The following SUCLA2 variants were observed in gnomAD, a reference collection of about 807,000 sequenced individuals.
SUCLA2 encodes succinate--CoA ligase [ADP-forming] subunit beta, mitochondrial.
A neutral mutation model predicts 54.8 loss-of-function variants in SUCLA2; 30 were observed. That is an observed-to-expected ratio of 0.55 (90% CI 0.41 to 0.74). The LOEUF is 0.74. SUCLA2 is among the 30% of genes least tolerant of loss of function. SUCLA2 has a pLI of 0.00. For synonymous variants in SUCLA2, 172 were observed against 188.9 expected, an observed-to-expected ratio of 0.91 and a Z score of 0.74; for missense variants, 476 against 562.9, an observed-to-expected ratio of 0.85 and a Z score of 1.56.
intron 4 of SUCLA2, chr13:47,988,225 T>C (rs1950119399): frequency 2.5e-6 from 1 of 401,066 alleles, no homozygotes. Flanking sequence ...TTTACTATGC[T>C]AGATATAATT....
intron 4 of SUCLA2, among the ~76,000 whole-genome samples, chr13:47,982,486 C>T (rs1338847339): frequency 1.1e-5 from 1 of 88,796 alleles, no homozygotes; most frequent in East Asian, 3.6e-4. Context: ...AAAAAAAGTT[C>T]TAGAAAAATT....
chr13:47,957,506 C>T (rs1053408159), intron 6 of SUCLA2, among the ~76,000 whole-genome samples: 1 of 152,212 alleles, frequency 6.6e-6, no homozygotes, highest in African/African-American at 2.4e-5. Flanking sequence ...GGCCCCACCA[C>T]AGCCGGCCCC....
chr13:47,957,243 T>C (rs1949828745), intron 6 of SUCLA2, among the ~76,000 whole-genome samples: 1 of 152,214 alleles, frequency 6.6e-6, no homozygotes, highest in African/African-American at 2.4e-5. Context: ...GATTTGAGAC[T>C]GAGCTCCGAT....
rs1949799849 is a variant in SUCLA2 at position 47,954,213 on chromosome 13, A to T, written c.1034T>A (p.Phe345Tyr). ...IKLHGGTPAN[F>Y]LDVGGGATVH... Reference sequence around the variant, plus strand: ...TGTAGCACCACCACCAACATCAAGGAAGTTGGCTGGAGTCCCTCCATGAAG... The same window carrying T: ...TGTAGCACCACCACCAACATCAAGGTAGTTGGCTGGAGTCCCTCCATGAAG... Residue 345 changes from phenylalanine to tyrosine, a missense_variant, in exon 8 of 11, where the codon TTC (phenylalanine) becomes TAC (tyrosine). Transcript: ENST00000646932. The T allele has an allele frequency of 6.2e-7, 1 of 1,613,960 alleles. No individual in the cohort carries two copies. The highest frequency in any genetic ancestry group is 8.5e-7 in the Non-Finnish European group (1 of 1,179,872).
At chr13:48,000,457 G>A (rs912866628) in intron 1 of SUCLA2, among the ~76,000 whole-genome samples, 1 of 152,186 alleles carries the variant, frequency 6.6e-6, no homozygotes, top group Non-Finnish European at 1.5e-5. Context: ...GGTGTTGAAT[G>A]ACTTCCTCAC....
intron 5 of SUCLA2, among the ~76,000 whole-genome samples, 175 bp downstream of exon 5, chr13:47,973,089 G>C (rs1193802940): frequency 6.6e-6 from 1 of 152,070 alleles, no homozygotes; most frequent in Non-Finnish European, 1.5e-5. Context: ...AATATTTATA[G>C]AGATATGAAA....
intron 4 of SUCLA2, among the ~76,000 whole-genome samples, chr13:47,981,033 T>C (rs1950057041): frequency 6.6e-6 from 1 of 152,138 alleles, no homozygotes; most frequent in Non-Finnish European, 1.5e-5. Context: ...TGACATTGGA[T>C]TTAGCAATGA....
At chr13:47,980,893 T>C (rs1950056217) in intron 4 of SUCLA2, among the ~76,000 whole-genome samples, 1 of 152,140 alleles carries the variant, frequency 6.6e-6, no homozygotes, top group African/African-American at 2.4e-5. Flanking sequence ...GATATCCACA[T>C]GCAAAAGAAT....
intron 4 of SUCLA2, among the ~76,000 whole-genome samples, chr13:47,987,469 C>A (rs964294100): frequency 1.3e-5 from 2 of 152,046 alleles, no homozygotes; most frequent in Non-Finnish European, 2.9e-5. Context: ...AGGTTACTGT[C>A]ATGGGATTTT....
rs112609520 is a variant in SUCLA2 at position 47,985,757 on chromosome 13, G to A, written c.534+2784C>T. The stretch of plus-strand genomic sequence containing the variant: ...TATTCTTTTGGGTATATACCCAGTA[G>A]TGGGATTGCTGGGTCAAATAGTATT... On this transcript the variant is annotated intron_variant, in intron 4 of 10. Transcript: ENST00000646932. 8.4e-3 allele frequency among the ~76,000 whole-genome samples: 1,286 copies of A among 152,284 alleles called. 8 individuals are homozygous for A. The highest frequency in any genetic ancestry group is 0.02 in the Middle Eastern group (6 of 294).
At chr13:47,996,216 G>A (rs751609618) in intron 2 of SUCLA2, among the ~76,000 whole-genome samples, 14 of 151,556 alleles carry the variant, frequency 9.2e-5, no homozygotes, top group East Asian at 1.9e-4. Context: ...CCAGGTACTC[G>A]GGAGGCTGAG....
intron 2 of SUCLA2, among the ~76,000 whole-genome samples, chr13:47,990,123 G>A (rs570243084): frequency 2.6e-5 from 4 of 152,314 alleles, no homozygotes; most frequent in Admixed American, 6.5e-5. Context: ...TGAAGCAGGC[G>A]GGTCACATGA....
At chr13:47,999,197 T>C (rs1247759236) in intron 1 of SUCLA2, among the ~76,000 whole-genome samples, 1 of 110,272 alleles carries the variant, frequency 9.1e-6, no homozygotes. Context: ...AAAAATCTAA[T>C]GTCTATAAAG....
chr13:47,982,620 T>C (rs1329514907), intron 4 of SUCLA2, among the ~76,000 whole-genome samples: 2 of 152,132 alleles, frequency 1.3e-5, no homozygotes, highest in Non-Finnish European at 2.9e-5. Flanking sequence ...CTCTCCCTCC[T>C]TCCTTCCTTC....
intron 10 of SUCLA2, among the ~76,000 whole-genome samples, chr13:47,944,815 C>T (rs973141875): frequency 3.9e-5 from 6 of 152,156 alleles, no homozygotes; most frequent in Non-Finnish European, 5.9e-5. Context: ...AATGACATCA[C>T]ATTAACTCGG....
Position 47,954,120 on chromosome 13 carries a change from A to G in SUCLA2, c.1107+20T>C. 1 of 1,597,640 alleles carries G rather than the reference A, an allele frequency of 6.3e-7. No individual in the cohort carries two copies. Among genetic ancestry groups the G allele is most frequent in the South Asian group, 1.1e-5 (1 of 87,152 alleles). ...TTATATATTTACATGATATAAAAAT[A>G]TATCAAGCCCTGCCCTTACCTTTTT... On this transcript the variant is annotated intron_variant, in intron 8 of 10. Coordinates refer to ENST00000646932, the MANE Select transcript of SUCLA2 (RefSeq NM_003850.3).
intron 2 of SUCLA2, among the ~76,000 whole-genome samples, chr13:47,995,635 AT>A (rs1159304007): frequency 1.3e-5 from 2 of 152,228 alleles, no homozygotes; most frequent in Non-Finnish European, 2.9e-5. Context: ...TTCTTAAAAA[AT>A]ATAAAAGCAA....
At position 47,954,188 on chromosome 13, in the gene SUCLA2, T is replaced by C; in HGVS notation, c.1059A>G (p.Thr353=). 1 of 1,613,884 alleles carries C rather than the reference T, an allele frequency of 6.2e-7. No homozygotes were observed. The highest frequency in any genetic ancestry group is 8.5e-7 in the Non-Finnish European group (1 of 1,179,830). Residue 353 remains threonine, a synonymous_variant, in exon 8 of 11, where the codon ACA becomes ACG. Coordinates refer to ENST00000646932, the MANE Select transcript of SUCLA2 (RefSeq NM_003850.3). ...TAAATGCTTCTGTTACTTGATGGAC[T>C]GTAGCACCACCACCAACATCAAGGA... The part of the protein sequence containing the change: ...ANFLDVGGGA[T]VHQVTEAFKL...
chr13:48,001,108 G>T, intron 1 of SUCLA2, 72 bp downstream of exon 1: 3 of 1,540,250 alleles, frequency 1.9e-6, no homozygotes. Flanking sequence ...CCCGAGCCGG[G>T]CCACGGGACC....
Sources: allele counts gnomAD v4.1 joint callset (sites outside exome capture counted in the v4.1 genomes callset), GRCh38; gene constraint gnomAD v4.1.1; transcripts MANE v1.5; gene names NCBI Gene and HGNC (gene_info 2026-07-23, HGNC 2026-07-21).